NOP58: variants seen among roughly 807,000 people sequenced by gnomAD.
NOP58 encodes the protein nucleolar protein 58.
A neutral mutation model predicts 71.2 loss-of-function variants in NOP58; 44 were observed. The ratio of observed to expected loss-of-function variants is 0.62; its 90% confidence interval spans 0.49 to 0.79. The LOEUF (loss-of-function observed/expected upper bound fraction) is 0.79, where lower values mean the gene tolerates loss of function less well. Ranked by LOEUF, NOP58 falls within the 30% of genes least tolerant of loss-of-function variation. The probability of loss-of-function intolerance (pLI) is 0.00; values close to 1 mark genes in which losing one functional copy is unlikely to be tolerated. For synonymous variants in NOP58, 228 were observed against 200.3 expected, an observed-to-expected ratio of 1.14 and a Z score of -1.17; for missense variants, 538 against 620.2, an observed-to-expected ratio of 0.87 and a Z score of 1.41.
intron 1 of NOP58, among the ~76,000 whole-genome samples, chr2:202,267,176 G>A (rs1274147741): frequency 6.6e-6 from 1 of 152,108 alleles, no homozygotes; most frequent in Admixed American, 6.6e-5. Context: ...TGTGAATATA[G>A]CAATGAAAAA....
chr2:202,291,213 A>G lies in NOP58; in HGVS notation c.723A>G (p.Ser241=). Residue 241 remains serine, a synonymous_variant, in exon 8 of 15, where the codon TCA becomes TCG. Transcript: ENST00000264279. ...AAGTGAAAGCAGCTGCAGAGATATCAATGGGAACAGAGGTTTCAGAAGAAG... is the reference window on the plus strand; with the variant it reads ...AAGTGAAAGCAGCTGCAGAGATATCGATGGGAACAGAGGTTTCAGAAGAAG... The part of the protein sequence containing the change: ...EAEVKAAAEI[S]MGTEVSEEDI... 1.2e-6 allele frequency: 2 copies of G among 1,612,196 alleles called. No individual in the cohort carries two copies. The highest frequency in any genetic ancestry group is 2.2e-5 in the South Asian group (2 of 90,460).
intron 3 of NOP58, among the ~76,000 whole-genome samples, chr2:202,280,185 A>G (rs1001531610): frequency 2.0e-5 from 3 of 152,190 alleles, no homozygotes; most frequent in Non-Finnish European, 4.4e-5. Context: ...GTCACAGTGT[A>G]CATTTTAAAC....
intron 14 of NOP58, 148 bp downstream of exon 14, chr2:202,303,205 T>C (rs2105860474): frequency 7.6e-7 from 1 of 1,314,306 alleles, no homozygotes; most frequent in East Asian, 2.3e-5. Flanking sequence ...GTTGTATTTA[T>C]ATTATAAAAG....
At chr2:202,301,186 CCT>C (rs1051853380) in intron 13 of NOP58, among the ~76,000 whole-genome samples, 3 of 151,902 alleles carry the variant, frequency 2.0e-5, no homozygotes, top group Non-Finnish European at 2.9e-5. Context: ...CAATTTCCCC[CCT>C]CTTTTTTTAC....
At chr2:202,293,890 A>G (rs934992577) in intron 9 of NOP58, among the ~76,000 whole-genome samples, 29 of 152,110 alleles carry the variant, frequency 1.9e-4, no homozygotes, top group African/African-American at 6.3e-4. Context: ...TAACTCCTTT[A>G]GCTGCATCAT....
intron 9 of NOP58, among the ~76,000 whole-genome samples, chr2:202,295,035 G>A (rs1688968849): frequency 1.3e-5 from 2 of 152,084 alleles, no homozygotes; most frequent in Non-Finnish European, 2.9e-5. Flanking sequence ...CTGCAGTACT[G>A]CACAACGGAG....
chr2:202,290,286 CTTTAAGT>C, intron 6 of NOP58, 30 bp from the exon 7 acceptor site: 2 of 1,523,170 alleles, frequency 1.3e-6, no homozygotes, highest in African/African-American at 1.7e-5. Context: ...CAATAAATCC[CTTTAAGT>C]TTTGTTTGTT....
At chr2:202,278,303 G>T in intron 3 of NOP58, 1 of 519,274 alleles carries the variant, frequency 1.9e-6, no homozygotes, top group South Asian at 1.5e-5. Flanking sequence ...GCACAATTCA[G>T]TAAAAGGTGT....
chr2:202,286,060 T>C (rs1205401251), intron 5 of NOP58, among the ~76,000 whole-genome samples: 2 of 151,124 alleles, frequency 1.3e-5, no homozygotes, highest in East Asian at 3.9e-4. Context: ...CGGGCGCCTG[T>C]AGTCCCAGCT....
At chr2:202,267,289 TTTG>T (rs1688433841) in intron 1 of NOP58, among the ~76,000 whole-genome samples, 1 of 152,078 alleles carries the variant, frequency 6.6e-6, no homozygotes, top group South Asian at 2.1e-4. Flanking sequence ...CAAAAAACCA[TTTG>T]TGGTGTGGAT....
At chr2:202,282,922 C>T (rs1439733983) in intron 4 of NOP58, among the ~76,000 whole-genome samples, 4 of 152,060 alleles carry the variant, frequency 2.6e-5, no homozygotes, top group Admixed American at 2.6e-4. Flanking sequence ...GAAAGCAGAA[C>T]AATTCGGGCG....
chr2:202,288,825 A>C (rs1424422448), intron 6 of NOP58, among the ~76,000 whole-genome samples: 4 of 151,868 alleles, frequency 2.6e-5, no homozygotes, highest in African/African-American at 7.3e-5. Flanking sequence ...CAAAAAAAAA[A>C]ACAAAGTATT....
chr2:202,287,258 A>G (rs1245538669), intron 5 of NOP58, among the ~76,000 whole-genome samples: 4 of 151,916 alleles, frequency 2.6e-5, no homozygotes, highest in African/African-American at 9.7e-5. Context: ...TAGTAGAGAC[A>G]GGGTTTCGCC....
intron 1 of NOP58, among the ~76,000 whole-genome samples, chr2:202,268,685 C>T (rs930475801): frequency 6.6e-6 from 1 of 150,760 alleles, no homozygotes; most frequent in African/African-American, 2.4e-5. Context: ...GATCTTGGCT[C>T]ACCACAACCT....
chr2:202,269,777 G>A (rs1404390943), intron 1 of NOP58, among the ~76,000 whole-genome samples: 1 of 152,120 alleles, frequency 6.6e-6, no homozygotes, highest in African/African-American at 2.4e-5. Flanking sequence ...AATTCCACCT[G>A]TGTCCTTGTG....
chr2:202,286,688 C>A (rs887413442), intron 5 of NOP58, among the ~76,000 whole-genome samples: 4 of 152,114 alleles, frequency 2.6e-5, no homozygotes, highest in Non-Finnish European at 4.4e-5. Flanking sequence ...AGTCAAAAAT[C>A]CAAACCTGGG....
chr2:202,271,586 G>A (rs954624085), intron 1 of NOP58, among the ~76,000 whole-genome samples: 1 of 149,146 alleles, frequency 6.7e-6, no homozygotes, highest in Non-Finnish European at 1.5e-5. Flanking sequence ...AAAAAAAAAA[G>A]AATAGCATGT....
At chr2:202,274,302 A>C (rs927568012) in intron 1 of NOP58, among the ~76,000 whole-genome samples, 3 of 151,708 alleles carry the variant, frequency 2.0e-5, no homozygotes, top group Non-Finnish European at 4.4e-5. Flanking sequence ...ATCTCGGCTC[A>C]CTGCAACCTC....
rs1179527239 is a variant in NOP58 at position 202,291,281 on chromosome 2, C to T, written c.780+11C>T. On this transcript the variant is annotated intron_variant, in intron 8 of 14. Coordinates refer to ENST00000264279, the MANE Select transcript of NOP58 (RefSeq NM_015934.5). Reference sequence around the variant, plus strand: ...CATCTTTGCACCCAGGTAAATTTTACTCCTGGAGAATCTAGTTGTGGTGTT... The same window carrying T: ...CATCTTTGCACCCAGGTAAATTTTATTCCTGGAGAATCTAGTTGTGGTGTT... The T allele has an allele frequency of 6.3e-7, 1 of 1,590,632 alleles. No individual in the cohort carries two copies. Among genetic ancestry groups the T allele is most frequent in the East Asian group, 2.3e-5 (1 of 44,404 alleles).
Sources: gnomAD v4.1 joint callset for allele counts (sites outside exome capture counted in the v4.1 genomes callset) on GRCh38, gnomAD v4.1.1 for gene constraint, MANE v1.5 for transcripts, NCBI Gene and HGNC (gene_info 2026-07-23, HGNC 2026-07-21) for gene names.